Variants in GPBP1L1 observed in about 807,000 individuals in gnomAD.
The protein encoded by GPBP1L1 is GC-rich promoter binding protein 1 like 1.
Under a neutral mutation model 52.5 loss-of-function variants are expected in GPBP1L1, and 23 were observed. That is an observed-to-expected ratio of 0.44 (90% CI 0.32 to 0.62). GPBP1L1 has a LOEUF of 0.62. Among genes scored for constraint, GPBP1L1 ranks in the 20% least tolerant of loss-of-function variants. GPBP1L1 has a pLI of 0.06. For synonymous variants in GPBP1L1, 243 were observed against 203.1 expected (o/e 1.20, Z -1.67); for missense variants, 596 against 579.3 (o/e 1.03, Z -0.30).
intron 2 of GPBP1L1, among the ~76,000 whole-genome samples, chr1:45,663,023 C>T (rs925584353): frequency 1.4e-5 from 2 of 139,180 alleles, no homozygotes; most frequent in Non-Finnish European, 3.0e-5. Context: ...TGCACTCCAG[C>T]CTGGGTGACA....
At chr1:45,666,942 A>G (rs1026269054) in intron 2 of GPBP1L1, among the ~76,000 whole-genome samples, 1 of 152,256 alleles carries the variant, frequency 6.6e-6, no homozygotes, top group Admixed American at 6.5e-5. Context: ...GAAAGAAGGC[A>G]GACACAAAAA....
At chr1:45,659,364 G>A (rs2148480382) in intron 3 of GPBP1L1, among the ~76,000 whole-genome samples, 1 of 152,266 alleles carries the variant, frequency 6.6e-6, no homozygotes, top group East Asian at 1.9e-4. Flanking sequence ...CATGAGCCTG[G>A]AAGATTTATT....
intron 6 of GPBP1L1, among the ~76,000 whole-genome samples, chr1:45,649,892 C>T (rs1644800257): frequency 6.6e-6 from 1 of 152,116 alleles, no homozygotes; most frequent in Non-Finnish European, 1.5e-5. Context: ...GATTATTTGG[C>T]TGTTCTGGAA....
chr1:45,683,621 T>G (rs975857035), intron 2 of GPBP1L1, among the ~76,000 whole-genome samples: 6 of 146,784 alleles, frequency 4.1e-5, no homozygotes. Context: ...ACGCCTGTAA[T>G]CCCAACACTT....
chr1:45,642,792 A>G (rs1644690861), intron 6 of GPBP1L1, among the ~76,000 whole-genome samples: 1 of 152,240 alleles, frequency 6.6e-6, no homozygotes, highest in Admixed American at 6.5e-5. Context: ...TTCCTATAGG[A>G]TATGTATGCC....
intron 6 of GPBP1L1, among the ~76,000 whole-genome samples, chr1:45,649,200 T>C (rs12094011): frequency 0.012 from 1,780 of 152,342 alleles, 26 homozygotes; most frequent in African/African-American, 0.037. Context: ...TCCTGAACCA[T>C]GTGCAAGTTG....
rs1376379987 is a variant in GPBP1L1 at position 45,686,408 on chromosome 1, T to C, written c.-1143+4A>G. 6.6e-6 allele frequency: 1 copy of C among 152,312 alleles called. No homozygotes were observed. The highest frequency in any genetic ancestry group is 1.5e-5 in the Non-Finnish European group (1 of 68,142). The allele number at this position is 152,312 out of a possible 1,614,324, so 9.4% of individuals were successfully genotyped here. On this transcript the variant is annotated splice_donor_region_variant and intron_variant, in intron 1 of 12. Coordinates refer to ENST00000355105, the MANE Select transcript of GPBP1L1 (RefSeq NM_021639.5). ...ACTGCCCCGTTTCCCAAACTCCCAC[T>C]CACCGGGCAGCGGCGGAGCTATGGC...
intron 2 of GPBP1L1, among the ~76,000 whole-genome samples, chr1:45,667,763 T>A (rs916229273): frequency 1.3e-5 from 2 of 152,192 alleles, no homozygotes; most frequent in African/African-American, 4.8e-5. Context: ...ACTCTCCAGT[T>A]CTTTGAGACA....
chr1:45,681,759 C>T (rs991161837), intron 2 of GPBP1L1, among the ~76,000 whole-genome samples: 3 of 152,202 alleles, frequency 2.0e-5, no homozygotes, highest in African/African-American at 7.2e-5. Flanking sequence ...AACAGGCAAA[C>T]AGTCTCATTT....
At chr1:45,669,726 G>A (rs1055473614) in intron 2 of GPBP1L1, among the ~76,000 whole-genome samples, 2 of 152,062 alleles carry the variant, frequency 1.3e-5, no homozygotes, top group African/African-American at 4.8e-5. Context: ...GAAAAAGAAT[G>A]TAGTTCTCAG....
chr1:45,667,882 A>G (rs1446715903), intron 2 of GPBP1L1, among the ~76,000 whole-genome samples: 1 of 152,052 alleles, frequency 6.6e-6, no homozygotes, highest in Non-Finnish European at 1.5e-5. Context: ...CGAACAGCTG[A>G]GATTACAGGC....
At chr1:45,670,383 C>G (rs1366975629) in intron 2 of GPBP1L1, among the ~76,000 whole-genome samples, 1 of 152,214 alleles carries the variant, frequency 6.6e-6, no homozygotes, top group Non-Finnish European at 1.5e-5. Context: ...CCTTTTTCCA[C>G]TTCATGGGTT....
chr1:45,629,645 A>C lies in GPBP1L1; in HGVS notation c.1203T>G (p.Pro401=). The C allele has an allele frequency of 6.2e-7, 1 of 1,613,246 alleles. No individual in the cohort carries two copies. Among genetic ancestry groups the C allele is most frequent in the Non-Finnish European group, 8.5e-7 (1 of 1,179,198 alleles). The change falls in exon 12 of 13, where the codon CCT becomes CCG. Residue 401 remains proline (P), a synonymous_variant. Coordinates refer to ENST00000355105, the MANE Select transcript of GPBP1L1 (RefSeq NM_021639.5). The part of the protein sequence containing the change: ...LLKAMGWQEY[P]ENDENCLPLT... ...GGGGAAGGCAATTCTCATCATTTTC[A>C]GGATATTCCTGCCAACCCATAGCTT...
chr1:45,645,432 A>C (rs1182055301), intron 6 of GPBP1L1, among the ~76,000 whole-genome samples: 1 of 152,236 alleles, frequency 6.6e-6, no homozygotes, highest in Non-Finnish European at 1.5e-5. Flanking sequence ...CATACAAAGT[A>C]TAGAATATCA....
At chr1:45,643,794 T>G (rs1382993149) in intron 6 of GPBP1L1, among the ~76,000 whole-genome samples, 1 of 150,224 alleles carries the variant, frequency 6.7e-6, no homozygotes. Flanking sequence ...CTCAGCTTCC[T>G]GAGTAACTGG....
At chr1:45,682,495 CTT>C (rs755838328) in intron 2 of GPBP1L1, among the ~76,000 whole-genome samples, 7 of 152,120 alleles carry the variant, frequency 4.6e-5, no homozygotes, top group Non-Finnish European at 1.0e-4. Context: ...AACTTAATGA[CTT>C]TGTTAAAATC....
At chr1:45,666,730 T>C (rs1388115586) in intron 2 of GPBP1L1, among the ~76,000 whole-genome samples, 1 of 152,158 alleles carries the variant, frequency 6.6e-6, no homozygotes, top group African/African-American at 2.4e-5. Context: ...TAAAAACATG[T>C]CCACACAACA....
intron 6 of GPBP1L1, among the ~76,000 whole-genome samples, chr1:45,652,785 G>A (rs1318899550): frequency 6.6e-6 from 1 of 151,854 alleles, no homozygotes; most frequent in African/African-American, 2.4e-5. Flanking sequence ...TGGGGCTATA[G>A]GTGCACGCCA....
chr1:45,660,648 T>C lies in GPBP1L1; in HGVS notation c.-520A>G, dbSNP rs915053963. ...CAAATAATGTCATCAAGGTAATAGA[T>C]CAAAAATATTAAAGCCCTATAAAAG... On this transcript the variant is annotated 5_prime_UTR_variant, in exon 3 of 13. Coordinates refer to ENST00000355105, the MANE Select transcript of GPBP1L1 (RefSeq NM_021639.5). 5.8e-6 allele frequency: 4 copies of C among 684,238 alleles called. No homozygotes were observed. In the South Asian group the frequency reaches 2.0e-4, roughly 33 times the overall value. 42.4% of individuals were successfully genotyped at this position (684,238 alleles called of 1,614,324 possible).
Sources: gnomAD v4.1 joint callset for allele counts (sites outside exome capture counted in the v4.1 genomes callset) on GRCh38, gnomAD v4.1.1 for gene constraint, MANE v1.5 for transcripts, NCBI Gene and HGNC (gene_info 2026-07-23, HGNC 2026-07-21) for gene names.